The following CCSER1 variants were observed in gnomAD, a reference collection of about 807,000 sequenced individuals.
CCSER1 encodes serine-rich coiled-coil domain-containing protein 1.
CCSER1 carries 41 observed loss-of-function variants against 82.0 expected under a neutral mutation model. The observed-to-expected ratio is 0.50, with a 90% CI of 0.39 to 0.65. CCSER1 has a LOEUF of 0.65. Among genes scored for constraint, CCSER1 ranks in the 30% least tolerant of loss-of-function variants. The probability of loss-of-function intolerance (pLI) is 0.00; values close to 1 mark genes in which losing one functional copy is unlikely to be tolerated. For synonymous variants in CCSER1, 414 were observed against 383.9 expected, an observed-to-expected ratio of 1.08 and a Z score of -0.92; for missense variants, 1,119 against 1,064.2, an observed-to-expected ratio of 1.05 and a Z score of -0.72.
At chr4:90,314,548 A>C (rs987602670) in intron 3 of CCSER1, among the ~76,000 whole-genome samples, 1 of 152,014 alleles carries the variant, frequency 6.6e-6, no homozygotes, top group African/African-American at 2.4e-5. Flanking sequence ...AAATAATTCT[A>C]GTTTGAGACA....
intron 1 of CCSER1, among the ~76,000 whole-genome samples, chr4:90,131,146 C>T (rs182791198): frequency 9.9e-5 from 15 of 151,956 alleles, no homozygotes; most frequent in South Asian, 4.2e-4. Context: ...TACAGGCACG[C>T]GCCACCACAC....
At chr4:90,271,862 ATTTTT>A (rs1176154331) in intron 1 of CCSER1, among the ~76,000 whole-genome samples, 85 of 21,660 alleles carry the variant, frequency 3.9e-3, no homozygotes, top group Middle Eastern at 0.038. Context: ...ATATATATAT[ATTTTT>A]TTTTTTTTTT....
chr4:90,745,904 G>A (rs928968835), intron 7 of CCSER1, among the ~76,000 whole-genome samples: 2 of 151,538 alleles, frequency 1.3e-5, no homozygotes, highest in Non-Finnish European at 2.9e-5. Context: ...GTTTCACCGT[G>A]TTAGCCAGGA....
At position 90,610,331 on chromosome 4, in the gene CCSER1, A is replaced by G. The variant is rs544108736; in HGVS notation, c.1725-17694A>G. 7.9e-5 allele frequency among the ~76,000 whole-genome samples: 12 copies of G among 152,198 alleles called. No homozygotes were observed. In the South Asian group the frequency reaches 2.3e-3, roughly 29 times the overall value. ...GTGATTTCAGTAAGCTGTAATTACA[A>G]AAGATCGCAAGGAATCTGCCATTCT... On this transcript the variant is annotated intron_variant, in intron 5 of 10. Transcript: ENST00000509176.
intron 10 of CCSER1, among the ~76,000 whole-genome samples, chr4:91,363,245 GAAGAA>G (rs1216000352): frequency 1.3e-5 from 2 of 151,560 alleles, no homozygotes; most frequent in Non-Finnish European, 3.0e-5. Context: ...TAAAATCATT[GAAGAA>G]AAGACCTATA....
intron 8 of CCSER1, among the ~76,000 whole-genome samples, chr4:90,857,872 G>T (rs897051533): frequency 2.0e-5 from 3 of 152,010 alleles, no homozygotes; most frequent in Non-Finnish European, 4.4e-5. Flanking sequence ...TGCTAAATGA[G>T]TAGATTGCAG....
chr4:90,170,167 G>A (rs956736452), intron 1 of CCSER1, among the ~76,000 whole-genome samples: 1 of 151,932 alleles, frequency 6.6e-6, no homozygotes, highest in Non-Finnish European at 1.5e-5. Flanking sequence ...CTATTACCAG[G>A]CAAAGGTGGC....
At position 91,164,127 on chromosome 4, in the gene CCSER1, G is replaced by A. The variant is rs549567479; in HGVS notation, c.2217+78133G>A. Among the ~76,000 whole-genome samples the A allele has an allele frequency of 8.5e-5, 13 of 152,202 alleles. No homozygotes were observed. In the South Asian group the frequency reaches 2.3e-3, roughly 27 times the overall value. ...GGAGCTCTTGTAAGGCAGGCCTGGT[G>A]GTGACAAAATCTCTCAGCATTTGCT... On this transcript the variant is annotated intron_variant, in intron 10 of 10. Transcript: ENST00000509176.
chr4:90,877,687 A>C (rs2150057478), intron 8 of CCSER1, among the ~76,000 whole-genome samples: 1 of 151,962 alleles, frequency 6.6e-6, no homozygotes, highest in Admixed American at 6.6e-5. Context: ...AGATATATTA[A>C]GGAATGGAGA....
At chr4:90,201,518 A>C (rs572005991) in intron 1 of CCSER1, among the ~76,000 whole-genome samples, 3 of 149,812 alleles carry the variant, frequency 2.0e-5, no homozygotes, top group African/African-American at 7.3e-5. Context: ...TTATTAATAA[A>C]TGTATTAAAT....
At chr4:90,233,929 G>T (rs1477922374) in intron 1 of CCSER1, among the ~76,000 whole-genome samples, 2 of 152,170 alleles carry the variant, frequency 1.3e-5, no homozygotes, top group South Asian at 4.1e-4. Context: ...TACATACGTT[G>T]TTTCTATTAA....
intron 7 of CCSER1, among the ~76,000 whole-genome samples, chr4:90,799,404 A>G (rs1756484178): frequency 6.6e-6 from 1 of 152,166 alleles, no homozygotes; most frequent in Non-Finnish European, 1.5e-5. Flanking sequence ...GCAGACACAC[A>G]CCAGCCAAGT....
At chr4:90,254,259 C>T (rs1360226804) in intron 1 of CCSER1, among the ~76,000 whole-genome samples, 1 of 152,164 alleles carries the variant, frequency 6.6e-6, no homozygotes, top group Non-Finnish European at 1.5e-5. Context: ...TTCCTTCTGG[C>T]TTGCCTCGTT....
chr4:91,104,840 A>C (rs1287342369), intron 10 of CCSER1, among the ~76,000 whole-genome samples: 1 of 152,004 alleles, frequency 6.6e-6, no homozygotes, highest in Non-Finnish European at 1.5e-5. Flanking sequence ...GTGTGTCTAA[A>C]TTTCCTAATA....
intron 10 of CCSER1, among the ~76,000 whole-genome samples, chr4:91,344,654 A>C (rs1477677222): frequency 6.6e-6 from 1 of 152,034 alleles, no homozygotes. Context: ...AAGGAAAAAA[A>C]AAAAGGAATA....
At chr4:90,313,150 A>G (rs1579122666) in intron 3 of CCSER1, 103 bp downstream of exon 3, 3 of 964,950 alleles carry the variant, frequency 3.1e-6, no homozygotes, top group East Asian at 2.6e-5. Flanking sequence ...TAGACACCTC[A>G]TATTTGAAGG....
intron 5 of CCSER1, among the ~76,000 whole-genome samples, chr4:90,487,669 C>T (rs540159919): frequency 6.6e-6 from 1 of 152,190 alleles, no homozygotes; most frequent in African/African-American, 2.4e-5. Flanking sequence ...TTGTTTGACA[C>T]GAAGTCTTGT....
intron 10 of CCSER1, among the ~76,000 whole-genome samples, chr4:91,251,964 G>T (rs1014866640): frequency 6.6e-6 from 1 of 152,054 alleles, no homozygotes; most frequent in Non-Finnish European, 1.5e-5. Context: ...TTTGATGAAG[G>T]ACATGAATAT....
At chr4:90,879,521 A>C (rs1331155902) in intron 8 of CCSER1, among the ~76,000 whole-genome samples, 1 of 150,092 alleles carries the variant, frequency 6.7e-6, no homozygotes, top group African/African-American at 2.5e-5. Context: ...AAGAAGAGGA[A>C]GAGGAAGAGG....
Sources: gnomAD v4.1 joint callset for allele counts (sites outside exome capture counted in the v4.1 genomes callset) on GRCh38, gnomAD v4.1.1 for gene constraint, MANE v1.5 for transcripts, NCBI Gene and HGNC (gene_info 2026-07-23, HGNC 2026-07-21) for gene names.